The following IMMP2L variants were observed in gnomAD, a reference collection of about 807,000 sequenced individuals.
IMMP2L encodes the protein inner mitochondrial membrane peptidase subunit 2.
A neutral mutation model predicts 19.3 loss-of-function variants in IMMP2L; 18 were observed. That is an observed-to-expected ratio of 0.93 (90% CI 0.64 to 1.38). The LOEUF is 1.38. Ranked by LOEUF, IMMP2L falls within the 40% of genes most tolerant of loss-of-function variation. The probability of loss-of-function intolerance (pLI) is 0.00; values close to 1 mark genes in which losing one functional copy is unlikely to be tolerated. For synonymous variants in IMMP2L, 76 were observed against 73.0 expected (o/e 1.04, Z -0.21); for missense variants, 233 against 218.2 (o/e 1.07, Z -0.43).
chr7:111,112,072 C>T (rs905211540), intron 3 of IMMP2L, among the ~76,000 whole-genome samples: 19 of 150,780 alleles, frequency 1.3e-4, no homozygotes, highest in Non-Finnish European at 1.8e-4. Context: ...CTCAGCCTCC[C>T]GAGTAGCTGG....
intron 3 of IMMP2L, among the ~76,000 whole-genome samples, chr7:111,095,901 C>G (rs1162186977): frequency 6.6e-6 from 1 of 151,882 alleles, no homozygotes; most frequent in Non-Finnish European, 1.5e-5. Context: ...CTCTCCCTCC[C>G]CTACCCCATC....
intron 3 of IMMP2L, among the ~76,000 whole-genome samples, chr7:111,421,392 CCCGAGT>C (rs1835529178): frequency 6.6e-6 from 1 of 150,452 alleles, no homozygotes; most frequent in Non-Finnish European, 1.5e-5. Context: ...GCCTCAGCCT[CCCGAGT>C]AGCTGGGACT....
At chr7:111,196,219 T>C (rs988924414) in intron 3 of IMMP2L, among the ~76,000 whole-genome samples, 12 of 152,146 alleles carry the variant, frequency 7.9e-5, no homozygotes, top group Non-Finnish European at 1.8e-4. Context: ...GGAAAAATCA[T>C]GAAAAATAAT....
At chr7:111,352,014 T>C (rs1300168958) in intron 3 of IMMP2L, among the ~76,000 whole-genome samples, 1 of 152,176 alleles carries the variant, frequency 6.6e-6, no homozygotes, top group Non-Finnish European at 1.5e-5. Context: ...AATATTTCCT[T>C]TTTCTGTACT....
chr7:111,242,984 G>T (rs1428181046), intron 3 of IMMP2L, among the ~76,000 whole-genome samples: 2 of 152,026 alleles, frequency 1.3e-5, no homozygotes, highest in Non-Finnish European at 2.9e-5. Context: ...GAAGAAAAAG[G>T]AGATCTTAAA....
intron 5 of IMMP2L, among the ~76,000 whole-genome samples, chr7:110,738,643 C>A (rs559252111): frequency 6.6e-6 from 1 of 152,218 alleles, no homozygotes; most frequent in Non-Finnish European, 1.5e-5. Flanking sequence ...TTGGAAAACA[C>A]ATTTGAGGAA....
chr7:111,029,917 T>C (rs543630935), intron 3 of IMMP2L, among the ~76,000 whole-genome samples: 1 of 152,294 alleles, frequency 6.6e-6, no homozygotes, highest in African/African-American at 2.4e-5. Context: ...TTCCAGATCA[T>C]GCTTCTTGGG....
chr7:111,281,156 CAGAAAGAAAGAAAGA>C (rs1195326133), intron 3 of IMMP2L, among the ~76,000 whole-genome samples: 1 of 67,814 alleles, frequency 1.5e-5, no homozygotes, highest in Non-Finnish European at 2.7e-5. Context: ...GACAGAAAGA[CAGAAAGAAAGAAAGA>C]AAGAAAGAAA....
chr7:110,930,168 T>C (rs1815306779), intron 4 of IMMP2L, among the ~76,000 whole-genome samples: 3 of 152,194 alleles, frequency 2.0e-5, no homozygotes, highest in Admixed American at 2.0e-4. Context: ...AACTTCATTA[T>C]TCTGCTGAAG....
intron 3 of IMMP2L, among the ~76,000 whole-genome samples, chr7:111,431,160 C>T (rs1474062133): frequency 5.3e-5 from 8 of 151,746 alleles, no homozygotes; most frequent in Non-Finnish European, 1.2e-4. Context: ...AAAAGGTCTC[C>T]ATCTCAGTAA....
chr7:110,836,272 T>G (rs970894838), intron 5 of IMMP2L, among the ~76,000 whole-genome samples: 5 of 152,164 alleles, frequency 3.3e-5, no homozygotes, highest in African/African-American at 1.2e-4. Context: ...GAGTAAAACC[T>G]GAATTTACAA....
intron 5 of IMMP2L, among the ~76,000 whole-genome samples, chr7:110,755,717 G>A (rs1797999760): frequency 6.6e-6 from 1 of 152,104 alleles, no homozygotes; most frequent in African/African-American, 2.4e-5. Flanking sequence ...AAGAAGATGG[G>A]TCTTAGAAGA....
intron 5 of IMMP2L, among the ~76,000 whole-genome samples, chr7:110,831,632 CAA>C (rs1291105080): frequency 3.3e-5 from 5 of 152,106 alleles, no homozygotes; most frequent in African/African-American, 9.7e-5. Flanking sequence ...GGAAACTTAT[CAA>C]AAGAGGCTGT....
At chr7:110,900,979 C>T (rs187522174) in intron 4 of IMMP2L, among the ~76,000 whole-genome samples, 27 of 152,026 alleles carry the variant, frequency 1.8e-4, no homozygotes, top group African/African-American at 6.5e-4. Flanking sequence ...TACCAAGGGC[C>T]CTTCTAAATG....
chr7:111,201,614 A>C (rs2129615533), intron 3 of IMMP2L, among the ~76,000 whole-genome samples: 1 of 151,912 alleles, frequency 6.6e-6, no homozygotes, highest in Non-Finnish European at 1.5e-5. Flanking sequence ...CTACTCAGTA[A>C]GTGAGGTGGG....
chr7:110,970,458 T>TGG (rs1361773634), intron 3 of IMMP2L, among the ~76,000 whole-genome samples: 3 of 152,092 alleles, frequency 2.0e-5, no homozygotes, highest in African/African-American at 7.2e-5. Flanking sequence ...CCACGTAACA[T>TGG]GGAGTTATGG....
chr7:110,961,924 T>A (rs1277504395), intron 4 of IMMP2L, among the ~76,000 whole-genome samples: 1 of 151,880 alleles, frequency 6.6e-6, no homozygotes, highest in African/African-American at 2.4e-5. Flanking sequence ...AGTAGGAGTT[T>A]AATGCAAATG....
intron 3 of IMMP2L, among the ~76,000 whole-genome samples, chr7:111,018,189 G>A (rs747703507): frequency 3.4e-4 from 51 of 152,156 alleles, no homozygotes; most frequent in Non-Finnish European, 6.5e-4. Flanking sequence ...ATATTGTTCT[G>A]AAAGGTAGCA....
chr7:110,820,683 C>T (rs926881548), intron 5 of IMMP2L, among the ~76,000 whole-genome samples: 1 of 151,896 alleles, frequency 6.6e-6, no homozygotes, highest in African/African-American at 2.4e-5. Flanking sequence ...AGAATATCTG[C>T]AATGTTATTG....
Sources: gnomAD v4.1 joint callset for allele counts (sites outside exome capture counted in the v4.1 genomes callset) on GRCh38, gnomAD v4.1.1 for gene constraint, MANE v1.5 for transcripts, NCBI Gene and HGNC (gene_info 2026-07-23, HGNC 2026-07-21) for gene names.